The following PTPN9 variants were observed in gnomAD, a reference collection of about 807,000 sequenced individuals.
The protein encoded by PTPN9 is tyrosine-protein phosphatase non-receptor type 9.
PTPN9 carries 26 observed loss-of-function variants against 69.8 expected under a neutral mutation model. The observed-to-expected ratio is 0.37, with a 90% CI of 0.27 to 0.52. PTPN9 has a LOEUF of 0.52. Among genes scored for constraint, PTPN9 ranks in the 20% least tolerant of loss-of-function variants. The pLI is 0.91. For missense variants in PTPN9, 549 were observed against 740.3 expected (o/e 0.74, Z 3.00); for synonymous variants, 274 against 272.5 (o/e 1.01, Z -0.05).
At chr15:75,530,085 C>G (rs1205112207) in intron 1 of PTPN9, among the ~76,000 whole-genome samples, 1 of 150,630 alleles carries the variant, frequency 6.6e-6, no homozygotes, top group Non-Finnish European at 1.5e-5. Flanking sequence ...GCCTGTGCTC[C>G]CGGCTAGTCA....
At chr15:75,544,437 G>T (rs2075022599) in intron 1 of PTPN9, among the ~76,000 whole-genome samples, 2 of 152,144 alleles carry the variant, frequency 1.3e-5, no homozygotes, top group South Asian at 4.1e-4. Context: ...GGCTGAAGGG[G>T]GAGGATCACT....
At chr15:75,546,714 G>GT (rs959390842) in intron 1 of PTPN9, among the ~76,000 whole-genome samples, 50 of 152,108 alleles carry the variant, frequency 3.3e-4, no homozygotes, top group African/African-American at 1.1e-3. Flanking sequence ...CTTAAAAAGG[G>GT]TGGGTGGGCA....
At chr15:75,479,959 C>A in intron 8 of PTPN9, 45 bp from the exon 9 acceptor site, 1 of 1,330,198 alleles carries the variant, frequency 7.5e-7, no homozygotes, top group South Asian at 1.3e-5. Flanking sequence ...CAGAATACAC[C>A]ATTTGGGTCA....
chr15:75,530,270 C>T (rs1278009111), intron 1 of PTPN9, among the ~76,000 whole-genome samples: 1 of 140,998 alleles, frequency 7.1e-6, no homozygotes, highest in East Asian at 2.0e-4. Flanking sequence ...GGCACGGTGG[C>T]TCATGCCTGT....
At chr15:75,505,569 T>A in intron 7 of PTPN9, 106 bp downstream of exon 7, 1 of 780,196 alleles carries the variant, frequency 1.3e-6, no homozygotes, top group African/African-American at 1.7e-5. Context: ...TTCCCTAACA[T>A]AAGGAAGGGT....
At chr15:75,525,003 G>T (rs568823790) in intron 2 of PTPN9, among the ~76,000 whole-genome samples, 53 of 151,982 alleles carry the variant, frequency 3.5e-4, no homozygotes, top group African/African-American at 1.2e-3. Context: ...CAGGATCAAG[G>T]TTCTTAAACA....
intron 1 of PTPN9, among the ~76,000 whole-genome samples, chr15:75,570,801 T>C (rs1326455529): frequency 2.6e-5 from 4 of 151,518 alleles, no homozygotes; most frequent in Admixed American, 6.6e-5. Flanking sequence ...AACCACACCA[T>C]ACAATTAGAA....
intron 7 of PTPN9, among the ~76,000 whole-genome samples, chr15:75,501,803 GAA>G (rs1357496658): frequency 6.6e-6 from 1 of 152,164 alleles, no homozygotes; most frequent in African/African-American, 2.4e-5. Flanking sequence ...TAGCTGGAGA[GAA>G]AGAGATTTCT....
chr15:75,527,082 A>G lies in PTPN9; in HGVS notation c.207+36T>C, dbSNP rs188430323. On this transcript the variant is annotated intron_variant, in intron 2 of 12. Transcript: ENST00000618819. The stretch of plus-strand genomic sequence containing the variant: ...AGGGACAACAGCAACACTTAACCCA[A>G]CTGCCACAGGTCTGGTCTACCCCTG... The G allele has an allele frequency of 4.6e-4, 748 of 1,612,966 alleles. 2 individuals are homozygous for G. In the African/African-American group the frequency reaches 5.1e-3, roughly 11 times the overall value.
At chr15:75,504,288 C>G (rs1293739140) in intron 7 of PTPN9, among the ~76,000 whole-genome samples, 1 of 128,390 alleles carries the variant, frequency 7.8e-6, no homozygotes, top group Admixed American at 7.5e-5. Context: ...CCAGCCGCCC[C>G]GTCCGGGAGG....
intron 1 of PTPN9, 109 bp downstream of exon 1, chr15:75,578,604 CG>C: frequency 4.4e-6 from 4 of 913,462 alleles, no homozygotes; most frequent in South Asian, 3.9e-5. Flanking sequence ...GGCACGGGAG[CG>C]GGGGGCTGCG....
chr15:75,489,174 C>CAAAAAA (rs35540489), intron 8 of PTPN9, among the ~76,000 whole-genome samples: 3 of 64,226 alleles, frequency 4.7e-5, no homozygotes, highest in African/African-American at 5.7e-5. Flanking sequence ...GACTCCGTCT[C>CAAAAAA]AAAAAAAAAA....
At chr15:75,520,325 A>T (rs1302957276) in intron 4 of PTPN9, among the ~76,000 whole-genome samples, 1 of 152,128 alleles carries the variant, frequency 6.6e-6, no homozygotes, top group African/African-American at 2.4e-5. Flanking sequence ...AAAAAAAAGA[A>T]GCTTGGATGC....
chr15:75,494,282 A>G (rs1042687630), intron 7 of PTPN9, among the ~76,000 whole-genome samples: 11 of 152,138 alleles, frequency 7.2e-5, no homozygotes, highest in Non-Finnish European at 5.9e-5. Flanking sequence ...CTTCAGATTA[A>G]AAGAATCTAT....
chr15:75,490,105 C>T, intron 8 of PTPN9, 103 bp downstream of exon 8: 2 of 954,868 alleles, frequency 2.1e-6, no homozygotes, highest in South Asian at 1.4e-5. Flanking sequence ...ATCTCTCTGG[C>T]CTCGGAGTCT....
chr15:75,563,400 T>C lies in PTPN9; in HGVS notation c.63+15314A>G, dbSNP rs145469253. Among the ~76,000 whole-genome samples, 413 of 152,228 alleles carry C rather than the reference T, an allele frequency of 2.7e-3. 6 individuals carry two copies. The highest frequency in any genetic ancestry group is 0.014 in the East Asian group (71 of 5,184). ...GAAAGGGTTTTGCATCTTAGCCAGG[T>C]TAGTCTCAAACTCTTGACCTCAAGG... On this transcript the variant is annotated intron_variant, in intron 1 of 12. Coordinates refer to ENST00000618819, the MANE Select transcript of PTPN9 (RefSeq NM_002833.4).
chr15:75,490,144 CT>C (rs2074700667), intron 8 of PTPN9, 63 bp downstream of exon 8: 4 of 1,277,704 alleles, frequency 3.1e-6, no homozygotes, highest in East Asian at 2.3e-5. Context: ...TATTAGTAAG[CT>C]TCACTTTGGA....
intron 5 of PTPN9, 61 bp downstream of exon 5, chr15:75,517,198 T>TA (rs1485484544): frequency 3.9e-6 from 5 of 1,266,978 alleles, no homozygotes; most frequent in African/African-American, 3.1e-5. Flanking sequence ...CCCAAAGAAT[T>TA]AAAAAAATAT....
intron 8 of PTPN9, among the ~76,000 whole-genome samples, chr15:75,482,798 A>G (rs1167366161): frequency 6.7e-6 from 1 of 149,428 alleles, no homozygotes; most frequent in Non-Finnish European, 1.5e-5. Context: ...AAAAAAAAAT[A>G]CAAAAAAATA....
Sources: gnomAD v4.1 joint callset for allele counts (sites outside exome capture counted in the v4.1 genomes callset) on GRCh38, gnomAD v4.1.1 for gene constraint, MANE v1.5 for transcripts, NCBI Gene and HGNC (gene_info 2026-07-23, HGNC 2026-07-21) for gene names.